The following ARHGAP26 variants were observed in gnomAD, a reference collection of about 807,000 sequenced individuals.
The protein encoded by ARHGAP26 is Rho GTPase activating protein 26.
ARHGAP26 carries 38 observed loss-of-function variants against 104.8 expected under a neutral mutation model. The ratio of observed to expected loss-of-function variants is 0.36; its 90% confidence interval spans 0.28 to 0.48. The LOEUF (loss-of-function observed/expected upper bound fraction) is 0.48, where lower values mean the gene tolerates loss of function less well. Ranked by LOEUF, ARHGAP26 falls within the 20% of genes least tolerant of loss-of-function variation. The probability of loss-of-function intolerance (pLI) is 0.99; values close to 1 mark genes in which losing one functional copy is unlikely to be tolerated. For missense variants in ARHGAP26, 704 were observed against 947.9 expected, an observed-to-expected ratio of 0.74 and a Z score of 3.38; for synonymous variants, 341 against 340.0, an observed-to-expected ratio of 1.00 and a Z score of -0.03.
At chr5:142,943,517 A>T (rs904114237) in intron 11 of ARHGAP26, among the ~76,000 whole-genome samples, 2 of 152,120 alleles carry the variant, frequency 1.3e-5, no homozygotes, top group African/African-American at 2.4e-5. Flanking sequence ...CATCCCATTC[A>T]TGAGGGCTCT....
At chr5:142,935,282 C>T (rs77598190) in intron 11 of ARHGAP26, among the ~76,000 whole-genome samples, 5,857 of 152,212 alleles carry the variant, frequency 0.038, 124 homozygotes, top group Middle Eastern at 0.058. Flanking sequence ...TGGTGAGATG[C>T]TTCCTTACTA....
At chr5:143,027,834 T>C (rs554178425) in intron 12 of ARHGAP26, among the ~76,000 whole-genome samples, 10 of 152,332 alleles carry the variant, frequency 6.6e-5, no homozygotes, top group African/African-American at 2.4e-4. Context: ...AATTGCTTAG[T>C]ATATAGTACA....
chr5:143,172,828 A>T (rs1363623520), intron 20 of ARHGAP26: 1 of 162,308 alleles, frequency 6.2e-6, no homozygotes, highest in Admixed American at 6.5e-5. Context: ...GCTACATGAC[A>T]TGTATTCTAA....
At chr5:142,928,981 G>A (rs1764325796) in intron 10 of ARHGAP26, among the ~76,000 whole-genome samples, 1 of 151,946 alleles carries the variant, frequency 6.6e-6, no homozygotes, top group Non-Finnish European at 1.5e-5. Flanking sequence ...CTCTGTCGCC[G>A]GGCTGGAGTG....
At chr5:142,776,924 CTTG>C (rs1756440661) in intron 1 of ARHGAP26, among the ~76,000 whole-genome samples, 2 of 152,268 alleles carry the variant, frequency 1.3e-5, no homozygotes, top group African/African-American at 4.8e-5. Context: ...CTCGCCAATA[CTTG>C]TTGTTGTCTT....
chr5:143,159,915 T>G (rs1447133186), intron 20 of ARHGAP26, among the ~76,000 whole-genome samples: 1 of 119,348 alleles, frequency 8.4e-6, no homozygotes, highest in Non-Finnish European at 1.9e-5. Context: ...TACCCTCTTG[T>G]GGTATGGGAT....
chr5:142,894,456 C>A, intron 6 of ARHGAP26, 108 bp downstream of exon 6: 1 of 973,336 alleles, frequency 1.0e-6, no homozygotes. Flanking sequence ...GTTGAGCAGC[C>A]CTGACACTGT....
intron 11 of ARHGAP26, among the ~76,000 whole-genome samples, chr5:143,000,236 A>C (rs1010067286): frequency 8.5e-5 from 13 of 152,340 alleles, no homozygotes; most frequent in Middle Eastern, 6.8e-3. Context: ...GTTTAATAAC[A>C]AAAAACTCTA....
intron 1 of ARHGAP26, among the ~76,000 whole-genome samples, chr5:142,833,645 T>TAG: frequency 6.6e-6 from 1 of 152,220 alleles, no homozygotes; most frequent in African/African-American, 2.4e-5. Flanking sequence ...ACATCCTACC[T>TAG]ACCGCTGATA....
chr5:142,841,447 T>C (rs1427121362), intron 1 of ARHGAP26, among the ~76,000 whole-genome samples: 1 of 152,180 alleles, frequency 6.6e-6, no homozygotes, highest in Non-Finnish European at 1.5e-5. Context: ...AAAGATTGGG[T>C]GGGAGCTGAG....
chr5:142,789,374 C>A (rs1478338339), intron 1 of ARHGAP26, among the ~76,000 whole-genome samples: 1 of 152,178 alleles, frequency 6.6e-6, no homozygotes, highest in African/African-American at 2.4e-5. Flanking sequence ...AGACCTTGTA[C>A]TCTGGCCAGT....
chr5:142,957,587 T>A (rs1345540905), intron 11 of ARHGAP26, among the ~76,000 whole-genome samples: 6 of 152,204 alleles, frequency 3.9e-5, no homozygotes, highest in Non-Finnish European at 7.4e-5. Flanking sequence ...GATTTCTAGA[T>A]CCTCCTCCCT....
intron 2 of ARHGAP26, chr5:142,874,782 C>T (rs1755842695): frequency 4.8e-6 from 1 of 208,608 alleles, no homozygotes; most frequent in Non-Finnish European, 9.5e-6. Context: ...GGAAATCCTT[C>T]AACTCCTAAG....
At chr5:143,090,246 C>A (rs997068420) in intron 17 of ARHGAP26, among the ~76,000 whole-genome samples, 2 of 152,260 alleles carry the variant, frequency 1.3e-5, no homozygotes, top group East Asian at 3.8e-4. Flanking sequence ...AGCTACCATG[C>A]AGCCCATGCC....
At chr5:143,063,690 A>T (rs776605870) in intron 17 of ARHGAP26, among the ~76,000 whole-genome samples, 5 of 152,072 alleles carry the variant, frequency 3.3e-5, no homozygotes, top group Non-Finnish European at 7.4e-5. Flanking sequence ...ACCTTTTGCA[A>T]TTCATTTTCT....
At chr5:143,191,704 C>G (rs975506208) in intron 20 of ARHGAP26, among the ~76,000 whole-genome samples, 1 of 152,204 alleles carries the variant, frequency 6.6e-6, no homozygotes. Context: ...TGGGCGCCAC[C>G]ACCCAGTAGC....
chr5:143,164,908 T>C (rs1184409271), intron 20 of ARHGAP26: 1 of 152,222 alleles, frequency 6.6e-6, no homozygotes, highest in Non-Finnish European at 1.5e-5. Flanking sequence ...AGAATCTGAA[T>C]ATATAATCAG....
At chr5:142,960,934 C>T (rs1770129415) in intron 11 of ARHGAP26, among the ~76,000 whole-genome samples, 2 of 152,224 alleles carry the variant, frequency 1.3e-5, no homozygotes, top group African/African-American at 4.8e-5. Flanking sequence ...CAGATCTCAA[C>T]TTATAGGTCA....
intron 11 of ARHGAP26, among the ~76,000 whole-genome samples, chr5:142,937,800 A>T (rs370517787): frequency 1.0e-5 from 1 of 97,198 alleles, no homozygotes; most frequent in African/African-American, 3.1e-5. Context: ...AAAAAAAAAT[A>T]TACTTTAATT....
Sources: allele counts gnomAD v4.1 joint callset (sites outside exome capture counted in the v4.1 genomes callset), GRCh38; gene constraint gnomAD v4.1.1; transcripts MANE v1.5; gene names NCBI Gene and HGNC (gene_info 2026-07-23, HGNC 2026-07-21).